The following LRRFIP2 variants were observed in gnomAD, a reference collection of about 807,000 sequenced individuals.
LRRFIP2 encodes LRR binding FLII interacting protein 2.
Under a neutral mutation model 125.9 loss-of-function variants are expected in LRRFIP2, and 109 were observed. That is an observed-to-expected ratio of 0.87 (90% CI 0.74 to 1.01). The LOEUF (loss-of-function observed/expected upper bound fraction) is 1.01, where lower values mean the gene tolerates loss of function less well. Ranked by LOEUF, LRRFIP2 falls within the 50% of genes least tolerant of loss-of-function variation. LRRFIP2 has a pLI of 0.00. For synonymous variants in LRRFIP2, 291 were observed against 293.1 expected, an observed-to-expected ratio of 0.99 and a Z score of 0.07; for missense variants, 850 against 862.3, an observed-to-expected ratio of 0.99 and a Z score of 0.18.
intron 1 of LRRFIP2, among the ~76,000 whole-genome samples, chr3:37,162,503 G>T (rs1417912343): frequency 6.6e-6 from 1 of 152,156 alleles, no homozygotes; most frequent in African/African-American, 2.4e-5. Context: ...GCCTATACCA[G>T]TCAAATCCCT....
chr3:37,129,394 C>T (rs2095368635), intron 2 of LRRFIP2, among the ~76,000 whole-genome samples: 1 of 152,174 alleles, frequency 6.6e-6, no homozygotes, highest in South Asian at 2.1e-4. Context: ...ATTACACACT[C>T]AACACATTTC....
At chr3:37,146,898 C>A (rs886679297) in intron 2 of LRRFIP2, among the ~76,000 whole-genome samples, 1 of 151,836 alleles carries the variant, frequency 6.6e-6, no homozygotes, top group African/African-American at 2.4e-5. Flanking sequence ...TTCTGTAAGG[C>A]AAAAGAAACT....
At chr3:37,167,689 A>G (rs1007364170) in intron 1 of LRRFIP2, among the ~76,000 whole-genome samples, 1 of 149,814 alleles carries the variant, frequency 6.7e-6, no homozygotes, top group Non-Finnish European at 1.5e-5. Flanking sequence ...AAAAGAAAAA[A>G]AAAAGAAAAC....
In LRRFIP2 at chr3:37,148,987, G is replaced by A; in HGVS notation, c.-4C>T. 5 of 1,613,740 alleles carry A rather than the reference G, an allele frequency of 3.1e-6. No homozygotes were observed. Among genetic ancestry groups the A allele is most frequent in the Non-Finnish European group, 4.2e-6 (5 of 1,179,838 alleles). On this transcript the variant is annotated 5_prime_UTR_variant, in exon 2 of 28. Transcript: ENST00000336686. ...TTCCAGAAGCAGGAGTCCCCATCTT[G>A]TGTTCTTAATAGTCTTTTAACTTTG...
intron 23 of LRRFIP2, chr3:37,064,574 G>A (rs530355943): frequency 1.5e-5 from 2 of 136,844 alleles, no homozygotes; most frequent in Non-Finnish European, 3.1e-5. Context: ...GCGACCGAGT[G>A]AGACTTCGTC....
At chr3:37,058,133 G>A (rs1483433102) in intron 25 of LRRFIP2, among the ~76,000 whole-genome samples, 1 of 152,206 alleles carries the variant, frequency 6.6e-6, no homozygotes, top group African/African-American at 2.4e-5. Context: ...GGTGCTTGCT[G>A]TATGGGAGCT....
intron 4 of LRRFIP2, among the ~76,000 whole-genome samples, chr3:37,126,960 C>T (rs530350066): frequency 2.6e-5 from 4 of 152,002 alleles, no homozygotes; most frequent in Non-Finnish European, 5.9e-5. Context: ...CTTTGAGAAT[C>T]TGACAATAAA....
chr3:37,170,895 G>A (rs1298486144), intron 1 of LRRFIP2: 1 of 152,156 alleles, frequency 6.6e-6, no homozygotes, highest in African/African-American at 2.4e-5. Flanking sequence ...GCAACATGCG[G>A]ACACCCCGTT....
rs1200561755 is a variant in LRRFIP2, at chr3:37,066,157, G to A, written c.1566+67C>T. The A allele has an allele frequency of 3.5e-6, 5 of 1,439,462 alleles. No individual in the cohort carries two copies. In the South Asian group the frequency reaches 4.6e-5, roughly 13 times the overall value. 89.2% of individuals were successfully genotyped at this position (1,439,462 alleles called of 1,614,324 possible). A position where few individuals can be genotyped will look rare whatever the true frequency, so the allele number is the denominator to read the frequency against. On this transcript the variant is annotated intron_variant, in intron 22 of 27. Coordinates refer to ENST00000336686, the MANE Select transcript of LRRFIP2 (RefSeq NM_006309.4). ...GTATTTAGGCTAGGAAAGATGGCAG[G>A]ATGAAAGGAAGGAAGATAGAGAGTA...
At chr3:37,086,421 C>A (rs974716595) in intron 18 of LRRFIP2, among the ~76,000 whole-genome samples, 2 of 152,114 alleles carry the variant, frequency 1.3e-5, no homozygotes, top group Non-Finnish European at 2.9e-5. Context: ...AACTTGCACA[C>A]AAATGTTCAC....
chr3:37,167,136 G>A (rs1349136322), intron 1 of LRRFIP2, among the ~76,000 whole-genome samples: 10 of 149,860 alleles, frequency 6.7e-5, no homozygotes, highest in African/African-American at 2.2e-4. Context: ...GGTCGAGGCT[G>A]CAGTGAGGCA....
chr3:37,129,227 G>A (rs1006030146), intron 2 of LRRFIP2, 78 bp from the exon 3 acceptor site: 5 of 1,211,488 alleles, frequency 4.1e-6, no homozygotes, highest in African/African-American at 3.0e-5. Context: ...AATAAAGAAT[G>A]GGACATTACC....
At chr3:37,127,968 C>T (rs2095328435) in intron 3 of LRRFIP2, among the ~76,000 whole-genome samples, 1 of 152,106 alleles carries the variant, frequency 6.6e-6, no homozygotes, top group Non-Finnish European at 1.5e-5. Context: ...GTTGCCCAGG[C>T]TGGAATGCAG....
chr3:37,137,483 T>C (rs2095586825), intron 2 of LRRFIP2, among the ~76,000 whole-genome samples: 1 of 152,178 alleles, frequency 6.6e-6, no homozygotes, highest in Non-Finnish European at 1.5e-5. Context: ...AAAACTTACT[T>C]TGGATAATTA....
chr3:37,073,048 T>C lies in LRRFIP2; in HGVS notation c.1372-166A>G, dbSNP rs184145455. 4.6e-5 allele frequency among the ~76,000 whole-genome samples: 7 copies of C among 152,206 alleles called. No individual in the cohort carries two copies. In the East Asian group the frequency reaches 1.3e-3, roughly 29 times the overall value. ...GGTCTGCCAAAAGAAAAGATGACAT[T>C]CACAGTCTTGGCCACAAGATTCTTA... is the stretch of plus-strand genomic sequence containing the variant. On this transcript the variant is annotated intron_variant, in intron 20 of 27. Transcript: ENST00000336686.
rs754577237 is a variant in LRRFIP2, at chr3:37,053,980, C to T, written c.2056-19G>A. On this transcript the variant is annotated intron_variant, in intron 27 of 27. Coordinates refer to ENST00000336686, the MANE Select transcript of LRRFIP2 (RefSeq NM_006309.4). Reference sequence around the variant, plus strand: ...TTCGTAACTGGAGACAGGGAGAATGCAGTCACTACATGTGGTCAGAAACAA... The same window carrying T: ...TTCGTAACTGGAGACAGGGAGAATGTAGTCACTACATGTGGTCAGAAACAA... The T allele has an allele frequency of 2.9e-6, 4 of 1,383,830 alleles. No individual in the cohort carries two copies. In the African/African-American group the frequency reaches 4.3e-5, roughly 15 times the overall value. The allele number at this position is 1,383,830 out of a possible 1,614,324, so 85.7% of individuals were successfully genotyped here. A position where few individuals can be genotyped will look rare whatever the true frequency, so the allele number is the denominator to read the frequency against.
At chr3:37,072,671 T>C in intron 21 of LRRFIP2, 119 bp downstream of exon 21, 1 of 565,272 alleles carries the variant, frequency 1.8e-6, no homozygotes, top group East Asian at 2.9e-5. Flanking sequence ...TGACTCATTT[T>C]TCATACTGTG....
chr3:37,175,172 C>G (rs2096640970), upstream of LRRFIP2: 1 of 152,164 alleles, frequency 6.6e-6, no homozygotes, highest in Non-Finnish European at 1.5e-5. Flanking sequence ...CCCCGCTCTC[C>G]TTCTCTCTTG....
At position 37,110,975 on chromosome 3, in the gene LRRFIP2, A is replaced by G; in HGVS notation, c.513+16T>C. The G allele has an allele frequency of 1.2e-6, 2 of 1,611,562 alleles. No homozygotes were observed. The highest frequency in any genetic ancestry group is 1.7e-6 in the Non-Finnish European group (2 of 1,178,942). On this transcript the variant is annotated intron_variant, in intron 9 of 27. Coordinates refer to ENST00000336686, the MANE Select transcript of LRRFIP2 (RefSeq NM_006309.4). ...AAGTGAATCAAACACATAAAGCCAA[A>G]AAAGTTTAGACAAACCCGAGTGTAG...
Sources: allele counts gnomAD v4.1 joint callset (sites outside exome capture counted in the v4.1 genomes callset), GRCh38; gene constraint gnomAD v4.1.1; transcripts MANE v1.5; gene names NCBI Gene and HGNC (gene_info 2026-07-23, HGNC 2026-07-21).